The following CCDC60 variants were observed in gnomAD, a reference collection of about 807,000 sequenced individuals.
The protein encoded by CCDC60 is coiled-coil domain-containing protein 60.
CCDC60 carries 54 observed loss-of-function variants against 63.5 expected under a neutral mutation model. The ratio of observed to expected loss-of-function variants is 0.85; its 90% CI spans 0.68 to 1.07. CCDC60 has a LOEUF of 1.07. Ranked by LOEUF, CCDC60 falls within the 50% of genes least tolerant of loss-of-function variation. The pLI is 0.00. For synonymous variants in CCDC60, 206 were observed against 238.8 expected, an observed-to-expected ratio of 0.86 and a Z score of 1.27; for missense variants, 651 against 684.3, an observed-to-expected ratio of 0.95 and a Z score of 0.54.
At chr12:119,488,559 T>C (rs1410674586) in intron 4 of CCDC60, among the ~76,000 whole-genome samples, 200 bp from the exon 5 acceptor site, 1 of 152,212 alleles carries the variant, frequency 6.6e-6, no homozygotes, top group Non-Finnish European at 1.5e-5. Context: ...ATTCCTCATC[T>C]GTAAAATGGG....
intron 1 of CCDC60, among the ~76,000 whole-genome samples, chr12:119,388,853 G>T (rs1386727939): frequency 2.0e-5 from 3 of 151,888 alleles, no homozygotes; most frequent in Non-Finnish European, 2.9e-5. Context: ...CAGAACAAAA[G>T]TTCCTAGACA....
intron 1 of CCDC60, among the ~76,000 whole-genome samples, chr12:119,407,646 C>A (rs914561143): frequency 1.3e-5 from 2 of 152,208 alleles, no homozygotes; most frequent in Non-Finnish European, 2.9e-5. Context: ...ACCTTGGAAA[C>A]GACCCAGTAG....
At chr12:119,484,406 T>C (rs992017438) in intron 4 of CCDC60, among the ~76,000 whole-genome samples, 3 of 152,172 alleles carry the variant, frequency 2.0e-5, no homozygotes, top group Non-Finnish European at 4.4e-5. Context: ...ATTATCTCAA[T>C]GGTTCTGTGT....
chr12:119,515,877 T>G (rs1378065925), intron 7 of CCDC60, among the ~76,000 whole-genome samples: 2 of 152,154 alleles, frequency 1.3e-5, no homozygotes, highest in Non-Finnish European at 2.9e-5. Context: ...TAAGCTGAAT[T>G]CAGCCTGTGG....
At chr12:119,425,885 C>G (rs1956891238) in intron 1 of CCDC60, among the ~76,000 whole-genome samples, 1 of 152,162 alleles carries the variant, frequency 6.6e-6, no homozygotes, top group African/African-American at 2.4e-5. Flanking sequence ...TTCAGGGCCT[C>G]CCCTGCTGCT....
chr12:119,396,928 G>A (rs902193828), intron 1 of CCDC60, among the ~76,000 whole-genome samples: 19 of 152,258 alleles, frequency 1.2e-4, no homozygotes, highest in Admixed American at 5.2e-4. Flanking sequence ...TCTTAAAGAT[G>A]GTGTGTCCAG....
chr12:119,478,321 A>G (rs1951223900), intron 3 of CCDC60, among the ~76,000 whole-genome samples: 1 of 151,622 alleles, frequency 6.6e-6, no homozygotes, highest in Non-Finnish European at 1.5e-5. Flanking sequence ...TCAAACAAAC[A>G]AACTATATAT....
chr12:119,469,625 A>G (rs1041172342), intron 2 of CCDC60, among the ~76,000 whole-genome samples: 2 of 152,180 alleles, frequency 1.3e-5, no homozygotes, highest in African/African-American at 4.8e-5. Flanking sequence ...CTCCTGGTCC[A>G]GTGATTTATT....
intron 1 of CCDC60, among the ~76,000 whole-genome samples, chr12:119,395,083 C>G (rs2092504774): frequency 6.6e-6 from 1 of 152,096 alleles, no homozygotes; most frequent in Admixed American, 6.5e-5. Flanking sequence ...AATGTGTTTC[C>G]AGGAGTTCAG....
intron 2 of CCDC60, among the ~76,000 whole-genome samples, chr12:119,442,042 A>C (rs1414781226): frequency 6.6e-6 from 1 of 152,246 alleles, no homozygotes; most frequent in East Asian, 1.9e-4. Context: ...AATATCAATT[A>C]ATATGTATAC....
At chr12:119,440,407 G>A (rs1950419896) in intron 2 of CCDC60, among the ~76,000 whole-genome samples, 1 of 152,064 alleles carries the variant, frequency 6.6e-6, no homozygotes, top group Admixed American at 6.6e-5. Context: ...GCGGGCACCT[G>A]TAGTCCCAGC....
chr12:119,403,653 A>G (rs1018551469), intron 1 of CCDC60, among the ~76,000 whole-genome samples: 40 of 151,858 alleles, frequency 2.6e-4, no homozygotes, highest in African/African-American at 8.0e-4. Context: ...TGCTGTCACG[A>G]TCATGACTGG....
intron 1 of CCDC60, among the ~76,000 whole-genome samples, chr12:119,360,522 C>A (rs1461156677): frequency 2.0e-5 from 3 of 151,090 alleles, no homozygotes. Context: ...GGAGGGTCTC[C>A]TCACTTCTCA....
intron 2 of CCDC60, among the ~76,000 whole-genome samples, chr12:119,436,385 C>T (rs1950325309): frequency 6.6e-6 from 1 of 152,074 alleles, no homozygotes; most frequent in African/African-American, 2.4e-5. Flanking sequence ...CCAGAGGGTC[C>T]ATGGTGAGCT....
intron 1 of CCDC60, among the ~76,000 whole-genome samples, chr12:119,366,563 C>T (rs1955842300): frequency 6.6e-6 from 1 of 152,170 alleles, no homozygotes; most frequent in African/African-American, 2.4e-5. Flanking sequence ...CCCACTTTGA[C>T]ACACACACAG....
intron 1 of CCDC60, among the ~76,000 whole-genome samples, chr12:119,354,650 T>C (rs913181446): frequency 6.6e-6 from 1 of 152,192 alleles, no homozygotes; most frequent in Non-Finnish European, 1.5e-5. Context: ...GGATGTGAGT[T>C]TGTTTGCATA....
At position 119,501,070 on chromosome 12, in the gene CCDC60, T is replaced by G. The variant is rs370157193; in HGVS notation, c.648+902T>G. ...GTAATATTGAGATAGGTAAAGGTAATAGAGCACACAACTAGAGCGTTTGCT... is the reference window on the plus strand; with the variant it reads ...GTAATATTGAGATAGGTAAAGGTAAGAGAGCACACAACTAGAGCGTTTGCT... On this transcript the variant is annotated intron_variant, in intron 6 of 13. Coordinates refer to ENST00000327554, the MANE Select transcript of CCDC60 (RefSeq NM_178499.5). Among the ~76,000 whole-genome samples the G allele has an allele frequency of 5.3e-5, 8 of 152,296 alleles. No homozygotes were observed. In the East Asian group the frequency reaches 1.2e-3, roughly 22 times the overall value.
chr12:119,414,562 GT>G (rs1366462154), intron 1 of CCDC60, among the ~76,000 whole-genome samples: 1 of 151,692 alleles, frequency 6.6e-6, no homozygotes, highest in Non-Finnish European at 1.5e-5. Context: ...ATTTTGTTTT[GT>G]TTTTAGAGAC....
chr12:119,484,399 ATCTCAATGGT>A (rs1406654499), intron 4 of CCDC60, among the ~76,000 whole-genome samples: 3 of 152,066 alleles, frequency 2.0e-5, no homozygotes, highest in African/African-American at 7.2e-5. Context: ...ACTCTTTATT[ATCTCAATGGT>A]TCTGTGTATA....
Sources: allele counts gnomAD v4.1 joint callset (sites outside exome capture counted in the v4.1 genomes callset), GRCh38; gene constraint gnomAD v4.1.1; transcripts MANE v1.5; gene names NCBI Gene and HGNC (gene_info 2026-07-23, HGNC 2026-07-21).